The following ITPR2 variants were observed in gnomAD, a reference collection of about 807,000 sequenced individuals.
The protein encoded by ITPR2 is inositol 1,4,5-trisphosphate-gated calcium channel ITPR2.
Under a neutral mutation model 317.1 loss-of-function variants are expected in ITPR2, and 207 were observed. The ratio of observed to expected loss-of-function variants is 0.65; its 90% CI spans 0.58 to 0.73. The LOEUF is 0.73. Ranked by LOEUF, ITPR2 falls within the 30% of genes least tolerant of loss-of-function variation. ITPR2 has a pLI of 0.00. For synonymous variants in ITPR2, 1,156 were observed against 1,149.1 expected (o/e 1.01, Z -0.12); for missense variants, 2,613 against 3,284.0 (o/e 0.80, Z 4.99).
chr12:26,381,809 A>C (rs1939517325), intron 55 of ITPR2, among the ~76,000 whole-genome samples: 1 of 152,228 alleles, frequency 6.6e-6, no homozygotes, highest in African/African-American at 2.4e-5. Flanking sequence ...CAGTGCTGTC[A>C]GAATACTTGT....
At chr12:26,572,996 C>CATTTATTTATTT (rs369855705) in intron 34 of ITPR2, among the ~76,000 whole-genome samples, 62 of 149,592 alleles carry the variant, frequency 4.1e-4, no homozygotes, top group Non-Finnish European at 7.9e-4. Flanking sequence ...ACTTGGATTT[C>CATTTATTTATTT]ATTTATTTAT....
chr12:26,346,717 A>G (rs953397141), intron 55 of ITPR2, among the ~76,000 whole-genome samples: 2 of 151,594 alleles, frequency 1.3e-5, no homozygotes, highest in Non-Finnish European at 2.9e-5. Flanking sequence ...AGTATAACGG[A>G]AAGAGCACCA....
At chr12:26,484,533 T>C (rs956992786) in intron 41 of ITPR2, among the ~76,000 whole-genome samples, 3 of 152,162 alleles carry the variant, frequency 2.0e-5, no homozygotes, top group Admixed American at 2.0e-4. Flanking sequence ...AGAAACCATA[T>C]CATATGTATG....
intron 26 of ITPR2, among the ~76,000 whole-genome samples, chr12:26,606,228 C>T (rs1946125269): frequency 6.6e-6 from 1 of 151,514 alleles, no homozygotes; most frequent in Admixed American, 6.6e-5. Context: ...CAGTAAAAGG[C>T]TCGTAGCACA....
intron 55 of ITPR2, among the ~76,000 whole-genome samples, chr12:26,349,655 T>C (rs1938418619): frequency 6.6e-6 from 1 of 152,264 alleles, no homozygotes; most frequent in East Asian, 1.9e-4. Flanking sequence ...TGAGGCCATA[T>C]GCAGAGTGGC....
intron 55 of ITPR2, among the ~76,000 whole-genome samples, chr12:26,366,449 G>T (rs1259237298): frequency 1.3e-5 from 2 of 152,156 alleles, no homozygotes; most frequent in African/African-American, 4.8e-5. Context: ...TCACCCAACT[G>T]TGGTCCTATT....
chr12:26,460,847 G>T (rs1279271849), intron 45 of ITPR2, among the ~76,000 whole-genome samples: 2 of 152,134 alleles, frequency 1.3e-5, no homozygotes, highest in Non-Finnish European at 1.5e-5. Flanking sequence ...TTTGCCCCCA[G>T]CTAGGGTTCT....
rs182233996 is a variant in ITPR2 at position 26,394,406 on chromosome 12, A to G, written c.7696+4470T>C. ...ATGTGTGAGATCGGAGAAGACTTCTAGAACAATGGCATTAGAGCTGGGCCT... is the reference window on the plus strand; with the variant it reads ...ATGTGTGAGATCGGAGAAGACTTCTGGAACAATGGCATTAGAGCTGGGCCT... On this transcript the variant is annotated intron_variant, in intron 54 of 56. Coordinates refer to ENST00000381340, the MANE Select transcript of ITPR2 (RefSeq NM_002223.4). Among the ~76,000 whole-genome samples, 211 of 152,324 alleles carry G rather than the reference A, an allele frequency of 1.4e-3. 2 individuals carry two copies. The highest frequency in any genetic ancestry group is 4.7e-3 in the African/African-American group (194 of 41,578).
rs547288374 is a variant in ITPR2 at position 26,803,640 on chromosome 12, T to G, written c.93-13413A>C. Reference sequence around the variant, plus strand: ...CTCCTAGACAGAACAGAACATCAGTTAGCCAAAACATTTTTTTCCTTTGAA... The same window carrying G: ...CTCCTAGACAGAACAGAACATCAGTGAGCCAAAACATTTTTTTCCTTTGAA... On this transcript the variant is annotated intron_variant, in intron 1 of 56. Transcript: ENST00000381340. Among the ~76,000 whole-genome samples, 3 of 152,346 alleles carry G rather than the reference T, an allele frequency of 2.0e-5. No homozygotes were observed. In the South Asian group the frequency reaches 6.2e-4, roughly 32 times the overall value.
At chr12:26,690,803 A>G (rs1282801195) in intron 10 of ITPR2, among the ~76,000 whole-genome samples, 1 of 152,170 alleles carries the variant, frequency 6.6e-6, no homozygotes, top group African/African-American at 2.4e-5. Flanking sequence ...AAAACTCACC[A>G]GTTAGGGTTA....
At chr12:26,795,737 A>T (rs965646519) in intron 1 of ITPR2, among the ~76,000 whole-genome samples, 1 of 152,216 alleles carries the variant, frequency 6.6e-6, no homozygotes, top group Non-Finnish European at 1.5e-5. Context: ...CAATCCCAGC[A>T]CTTTGGGAGG....
At chr12:26,750,735 A>G (rs1949398675) in intron 2 of ITPR2, among the ~76,000 whole-genome samples, 1 of 152,238 alleles carries the variant, frequency 6.6e-6, no homozygotes, top group African/African-American at 2.4e-5. Flanking sequence ...GAAGGCTCTA[A>G]GCAAAGTCCT....
chr12:26,446,239 T>C (rs1253776087), intron 45 of ITPR2, among the ~76,000 whole-genome samples: 3 of 152,128 alleles, frequency 2.0e-5, no homozygotes, highest in African/African-American at 7.2e-5. Flanking sequence ...GTCTCCCTTA[T>C]GTTATGGTCA....
chr12:26,731,107 C>G (rs1949021320), intron 2 of ITPR2, among the ~76,000 whole-genome samples: 2 of 127,004 alleles, frequency 1.6e-5, no homozygotes, highest in Admixed American at 1.7e-4. Flanking sequence ...CCAGCAGTAT[C>G]CTTTGGCAAT....
At chr12:26,698,859 T>C (rs1369205979) in intron 9 of ITPR2, among the ~76,000 whole-genome samples, 1 of 152,128 alleles carries the variant, frequency 6.6e-6, no homozygotes, top group Non-Finnish European at 1.5e-5. Flanking sequence ...TCCTTTCTTC[T>C]GATTAAAGAA....
intron 37 of ITPR2, among the ~76,000 whole-genome samples, chr12:26,533,647 T>C (rs1335338357): frequency 1.3e-5 from 2 of 152,068 alleles, no homozygotes; most frequent in East Asian, 1.9e-4. Flanking sequence ...AGTGGCCCTA[T>C]AAGAAGAGGA....
At chr12:26,783,403 T>C (rs931674837) in intron 2 of ITPR2, among the ~76,000 whole-genome samples, 16 of 152,134 alleles carry the variant, frequency 1.1e-4, no homozygotes, top group Non-Finnish European at 1.9e-4. Context: ...CCCTCCACCC[T>C]CCAGGAAATG....
chr12:26,700,873 G>C (rs1017086419), intron 9 of ITPR2, among the ~76,000 whole-genome samples: 1 of 152,226 alleles, frequency 6.6e-6, no homozygotes, highest in Non-Finnish European at 1.5e-5. Flanking sequence ...ATCTGAATGT[G>C]TAAACTGAGA....
rs1427078840 is a variant in ITPR2, at chr12:26,481,157, G to A, written c.6097C>T (p.Arg2033Ter). 5.6e-6 allele frequency: 9 copies of A among 1,611,198 alleles called. No homozygotes were observed. The highest frequency in any genetic ancestry group is 2.2e-5 in the South Asian group (2 of 90,982). The change falls in exon 43 of 57, where the codon CGA becomes TGA. Residue 2033 changes from arginine to a stop codon, truncating the protein, a stop_gained. Coordinates refer to ENST00000381340, the MANE Select transcript of ITPR2 (RefSeq NM_002223.4). LOFTEE classifies it high-confidence loss of function. ...TTTAGCTGGAGCACCAGGTCCATTC[G>A]GTATTTACCAAGAGGGTTTATGTCA... ...LNDINPLGKY[R>*]MDLVLQLKNN...
Sources: allele counts gnomAD v4.1 joint callset (sites outside exome capture counted in the v4.1 genomes callset), GRCh38; gene constraint gnomAD v4.1.1; transcripts MANE v1.5; gene names NCBI Gene and HGNC (gene_info 2026-07-23, HGNC 2026-07-21).